METAP1D: variants seen among roughly 807,000 people sequenced by gnomAD.
METAP1D encodes methionyl aminopeptidase type 1D, mitochondrial.
METAP1D carries 31 observed loss-of-function variants against 40.5 expected under a neutral mutation model. The ratio of observed to expected loss-of-function variants is 0.77; its 90% CI spans 0.58 to 1.03. METAP1D has a LOEUF of 1.03. Ranked by LOEUF, METAP1D falls within the 50% of genes least tolerant of loss-of-function variation. The pLI, the probability that METAP1D is intolerant of heterozygous loss-of-function variation, is 0.00. For synonymous variants in METAP1D, 151 were observed against 146.4 expected, an observed-to-expected ratio of 1.03 and a Z score of -0.22; for missense variants, 411 against 420.7, an observed-to-expected ratio of 0.98 and a Z score of 0.20.
intron 1 of METAP1D, among the ~76,000 whole-genome samples, chr2:172,016,305 A>ATG (rs1688861728): frequency 1.4e-5 from 1 of 70,860 alleles, no homozygotes; most frequent in Non-Finnish European, 3.0e-5. Flanking sequence ...AAAAAAATAT[A>ATG]TATATATATA....
At chr2:172,029,162 CT>C (rs1689186025) in intron 1 of METAP1D, among the ~76,000 whole-genome samples, 1 of 152,178 alleles carries the variant, frequency 6.6e-6, no homozygotes, top group African/African-American at 2.4e-5. Flanking sequence ...AATCCCAGCG[CT>C]TTGGGAGGCT....
intron 1 of METAP1D, among the ~76,000 whole-genome samples, chr2:172,048,116 A>G (rs1256324594): frequency 6.6e-6 from 1 of 152,174 alleles, no homozygotes; most frequent in East Asian, 1.9e-4. Flanking sequence ...CTGCAGTCTC[A>G]TTTGGGGTTC....
At chr2:172,032,013 G>A (rs1408585621) in intron 1 of METAP1D, among the ~76,000 whole-genome samples, 3 of 152,130 alleles carry the variant, frequency 2.0e-5, no homozygotes, top group Admixed American at 1.3e-4. Context: ...GCATGCCCTC[G>A]GGGAGCTAAA....
chr2:172,063,957 A>G, intron 3 of METAP1D, 97 bp downstream of exon 3: 1 of 1,312,952 alleles, frequency 7.6e-7, no homozygotes, highest in Non-Finnish European at 9.8e-7. Context: ...GTTGACATCT[A>G]ATTTGTTTTA....
In METAP1D at chr2:172,043,327, C is replaced by T. The variant is rs113700420; in HGVS notation, c.41-18171C>T. ...CACTTCCAACACCTGTTAGTTTATC[C>T]AGTCAGGCACTCCATATTTGGAAGG... On this transcript the variant is annotated intron_variant, in intron 1 of 9. Coordinates refer to ENST00000315796, the MANE Select transcript of METAP1D (RefSeq NM_199227.3). Among the ~76,000 whole-genome samples the T allele has an allele frequency of 1.5e-5, 2 of 132,086 alleles. 1 individual carries two copies. The highest frequency in any genetic ancestry group is 5.1e-5 in the African/African-American group (2 of 39,294). The allele number at this position is 132,086 out of a possible 152,430, so 86.7% of individuals were successfully genotyped here. A position where few individuals can be genotyped will look rare whatever the true frequency, so the allele number is the denominator to read the frequency against.
At chr2:172,058,160 T>G (rs2105469264) in intron 1 of METAP1D, among the ~76,000 whole-genome samples, 1 of 151,988 alleles carries the variant, frequency 6.6e-6, no homozygotes, top group Non-Finnish European at 1.5e-5. Flanking sequence ...AGCCACCACA[T>G]CTGGCTAATT....
chr2:172,020,793 T>G (rs1688988108), intron 1 of METAP1D, among the ~76,000 whole-genome samples: 1 of 152,216 alleles, frequency 6.6e-6, no homozygotes, highest in Non-Finnish European at 1.5e-5. Context: ...AGAGAGTAAT[T>G]TTTAAAAATT....
intron 1 of METAP1D, among the ~76,000 whole-genome samples, chr2:172,005,841 T>G (rs557783617): frequency 9.9e-4 from 150 of 152,026 alleles, no homozygotes; most frequent in Admixed American, 3.5e-3. Flanking sequence ...TATAACACAT[T>G]TTATTTATCT....
chr2:172,019,273 G>A (rs1282577570), intron 1 of METAP1D, among the ~76,000 whole-genome samples: 1 of 152,088 alleles, frequency 6.6e-6, no homozygotes, highest in South Asian at 2.1e-4. Context: ...GATCACTTGA[G>A]CTGCCACTGC....
intron 1 of METAP1D, among the ~76,000 whole-genome samples, chr2:172,036,300 G>C (rs1047881033): frequency 7.0e-6 from 1 of 141,996 alleles, no homozygotes; most frequent in Non-Finnish European, 1.5e-5. Flanking sequence ...CTGGGCGACA[G>C]AGCGAGACTC....
chr2:172,015,763 T>C (rs10197265), intron 1 of METAP1D, among the ~76,000 whole-genome samples: 137,176 of 152,098 alleles, frequency 0.9, 62,474 homozygotes, highest in Middle Eastern at 0.96. Context: ...AGTTCCAGAC[T>C]AGCCTGGGCA....
intron 1 of METAP1D, among the ~76,000 whole-genome samples, chr2:172,047,892 A>G (rs1689797607): frequency 6.6e-6 from 1 of 152,216 alleles, no homozygotes; most frequent in Admixed American, 6.5e-5. Context: ...TTAGAAAGAT[A>G]TGATTCTTGA....
In METAP1D at chr2:172,053,876, C is replaced by A. The variant is rs373616266; in HGVS notation, c.41-7622C>A. ...GTGAAAGTGCTTCCCTGGAAACATA[C>A]AATGAAAAATATATGTGTTGGTAGT... On this transcript the variant is annotated intron_variant, in intron 1 of 9. Transcript: ENST00000315796. 9.9e-5 allele frequency among the ~76,000 whole-genome samples: 15 copies of A among 152,274 alleles called. No homozygotes were observed. In the East Asian group the frequency reaches 2.3e-3, roughly 24 times the overall value.
intron 1 of METAP1D, among the ~76,000 whole-genome samples, chr2:172,055,135 G>A (rs1689973624): frequency 6.6e-6 from 1 of 152,092 alleles, no homozygotes; most frequent in South Asian, 2.1e-4. Context: ...GTAGTAATTA[G>A]TACACACCTG....
intron 1 of METAP1D, among the ~76,000 whole-genome samples, chr2:172,040,708 A>C (rs950736218): frequency 6.7e-6 from 1 of 150,072 alleles, no homozygotes; most frequent in African/African-American, 2.4e-5. Flanking sequence ...GAAATATCGT[A>C]ATCGATTGTG....
chr2:172,014,430 A>G (rs2105384360), intron 1 of METAP1D, among the ~76,000 whole-genome samples: 1 of 152,266 alleles, frequency 6.6e-6, no homozygotes, highest in South Asian at 2.1e-4. Context: ...ATTATTATAA[A>G]AACACAAAGA....
chr2:172,055,422 C>A (rs1450986785), intron 1 of METAP1D, among the ~76,000 whole-genome samples: 16 of 152,060 alleles, frequency 1.1e-4, no homozygotes, highest in Non-Finnish European at 2.2e-4. Context: ...TTTCTGTGAC[C>A]CTGAATATAA....
chr2:172,017,717 C>T (rs1688909722), intron 1 of METAP1D, among the ~76,000 whole-genome samples: 1 of 152,044 alleles, frequency 6.6e-6, no homozygotes, highest in South Asian at 2.1e-4. Flanking sequence ...TGAGGCCCTT[C>T]AAGCTGTCAT....
At chr2:172,037,488 G>A (rs1211810271) in intron 1 of METAP1D, among the ~76,000 whole-genome samples, 9 of 152,076 alleles carry the variant, frequency 5.9e-5, no homozygotes, top group Admixed American at 5.9e-4. Context: ...ACCTATGAGT[G>A]ATAGCTCAAT....
Sources: gnomAD v4.1 joint callset for allele counts (sites outside exome capture counted in the v4.1 genomes callset) on GRCh38, gnomAD v4.1.1 for gene constraint, MANE v1.5 for transcripts, NCBI Gene and HGNC (gene_info 2026-07-23, HGNC 2026-07-21) for gene names.